MYH11: variants seen among roughly 807,000 people sequenced by gnomAD.
MYH11 encodes myosin-11.
In MYH11, 80 loss-of-function variants were observed where a neutral mutation model predicts 246.6. The ratio of observed to expected loss-of-function variants is 0.32; its 90% CI spans 0.27 to 0.39. MYH11 has a LOEUF of 0.39. Among genes scored for constraint, MYH11 ranks in the 10% least tolerant of loss-of-function variants. The pLI, the probability that MYH11 is intolerant of heterozygous loss-of-function variation, is 1.00. For synonymous variants in MYH11, 1,071 were observed against 1,015.5 expected (o/e 1.05, Z -1.04); for missense variants, 2,158 against 2,546.8 (o/e 0.85, Z 3.29).
chr16:15,805,702 G>A (rs922845319), intron 3 of MYH11, among the ~76,000 whole-genome samples: 3 of 151,976 alleles, frequency 2.0e-5, no homozygotes, highest in African/African-American at 2.4e-5. Context: ...GCTTGAGCCC[G>A]GGAGTCCGAA....
At chr16:15,735,605 A>C in intron 25 of MYH11, 27 bp from the exon 26 acceptor site, 1 of 1,613,024 alleles carries the variant, frequency 6.2e-7, no homozygotes, top group Non-Finnish European at 8.5e-7. Flanking sequence ...CAGCAGAATG[A>C]ACCCCCAGGT....
In MYH11 at chr16:15,737,497, T is replaced by C. The variant is rs2041154290; in HGVS notation, c.3245A>G (p.Lys1082Arg). 8 of 1,613,892 alleles carry C rather than the reference T, an allele frequency of 5.0e-6. No homozygotes were observed. Among genetic ancestry groups the C allele is most frequent in the Middle Eastern group, 3.3e-4 (2 of 6,058 alleles). Residue 1082 changes from lysine (K) to arginine (R), a missense_variant, in exon 25 of 41, where the codon AAG becomes AGG. By Grantham distance (26) the Lys-to-Arg change is conservative. Transcript: ENST00000300036. ...CTCCTCCTTCTTGGCCAGCTGCATC[T>C]TGAGCTCTGCGATCTGCGCCTGGAG... ...ADLQAQIAEL[K>R]MQLAKKEEEL... is the part of the protein sequence containing the mutation.
rs2041827034 is a variant in MYH11, at chr16:15,759,872, G to A, written c.1249-144C>T. The A allele has an allele frequency of 7.7e-6, 8 of 1,040,882 alleles. No homozygotes were observed. In the South Asian group the frequency reaches 1.2e-4, roughly 16 times the overall value. 64.5% of individuals were successfully genotyped at this position (1,040,882 alleles called of 1,614,324 possible). A position where few individuals can be genotyped will look rare whatever the true frequency, so the allele number is the denominator to read the frequency against. On this transcript the variant is annotated intron_variant, in intron 11 of 40. Coordinates refer to ENST00000300036, the MANE Select transcript of MYH11 (RefSeq NM_002474.3). Reference sequence around the variant, plus strand: ...AGCACTTTGGGAGGCCGAGGCAGGTGGGTCACTTGAGGTCGGGAGTTCAAG... The same window carrying A: ...AGCACTTTGGGAGGCCGAGGCAGGTAGGTCACTTGAGGTCGGGAGTTCAAG...
At chr16:15,798,608 T>TTAAAAAAAA in intron 4 of MYH11, 52 bp downstream of exon 4, 1 of 1,036,158 alleles carries the variant, frequency 9.7e-7, no homozygotes, top group Admixed American at 3.2e-5. Context: ...GACTACAGAT[T>TTAAAAAAAA]AAAAAAAAAA....
chr16:15,809,396 A>T (rs1159015083), intron 3 of MYH11, among the ~76,000 whole-genome samples: 1 of 151,658 alleles, frequency 6.6e-6, no homozygotes, highest in Non-Finnish European at 1.5e-5. Flanking sequence ...GCCAGGCGTG[A>T]TGATCTGTGC....
chr16:15,778,641 C>T (rs1039350363), intron 7 of MYH11, 139 bp downstream of exon 7: 8 of 877,640 alleles, frequency 9.1e-6, no homozygotes, highest in Non-Finnish European at 1.3e-5. Context: ...ACAATGCCTG[C>T]TGTTAAGGGG....
chr16:15,817,897 C>T (rs1274265862), intron 3 of MYH11, among the ~76,000 whole-genome samples: 4 of 152,202 alleles, frequency 2.6e-5, no homozygotes. Flanking sequence ...AGCCCCACCT[C>T]TCTCAAATAA....
Position 15,737,595 on chromosome 16 carries a change from G to A in MYH11, c.3147C>T (p.Ser1049=), listed in dbSNP as rs1490973342. The change falls in exon 25 of 41, where the codon AGC becomes AGT. Residue 1049 remains serine (S), a synonymous_variant. Transcript: ENST00000300036. ...GTTTCAGCTTCTCCAGCTCCTGTCG[G>A]CTCTTCTCTTCCTTCTTTAGCCGCA... ...LEVRLKKEEK[S]RQELEKLKRK... is the part of the protein sequence containing the mutation. The A allele has an allele frequency of 1.9e-6, 3 of 1,613,406 alleles. No individual in the cohort carries two copies. The South Asian group carries it at 3.3e-5, about 18-fold the overall frequency.
At chr16:15,733,545 TTG>T (rs1307404662) in intron 26 of MYH11, among the ~76,000 whole-genome samples, 5 of 150,672 alleles carry the variant, frequency 3.3e-5, no homozygotes, top group Non-Finnish European at 5.9e-5. Context: ...GTTTTTTGTT[TTG>T]TTTGTTTGTT....
Position 15,763,815 on chromosome 16 carries a change from C to T in MYH11, c.1110G>A (p.Ala370=), listed in dbSNP as rs746485704. 16 of 1,408,284 alleles carry T rather than the reference C, an allele frequency of 1.1e-5. No individual in the cohort carries two copies. In the East Asian group the frequency reaches 1.5e-4, roughly 13 times the overall value. 87.2% of individuals were successfully genotyped at this position (1,408,284 alleles called of 1,614,324 possible). A position where few individuals can be genotyped will look rare whatever the true frequency, so the allele number is the denominator to read the frequency against. ...AAGTACCTGTGTTATCTGGCATGGA[C>T]GCCTGGTCTGTGTTTCTTTCCTTCT... ...VFKKERNTDQ[A]SMPDNTAAQK... is the part of the protein sequence containing the mutation. Residue 370 remains alanine, a synonymous_variant, in exon 10 of 41, where the codon GCG becomes GCA. Coordinates refer to ENST00000300036, the MANE Select transcript of MYH11 (RefSeq NM_002474.3).
intron 11 of MYH11, 23 bp from the exon 12 acceptor site, chr16:15,759,751 C>A (rs768655716): frequency 4.3e-6 from 7 of 1,613,388 alleles, no homozygotes; most frequent in Non-Finnish European, 5.9e-6. Flanking sequence ...ACCAGGGGAA[C>A]CCGGTTATTC....
intron 37 of MYH11, chr16:15,717,702 A>AG (rs1260883343): frequency 2.7e-6 from 1 of 369,512 alleles, no homozygotes; most frequent in Non-Finnish European, 5.0e-6. Context: ...AGGTTGAAGC[A>AG]GGAGAATCCC....
At chr16:15,722,841 T>TC (rs2040556686) in intron 31 of MYH11, among the ~76,000 whole-genome samples, 1 of 152,154 alleles carries the variant, frequency 6.6e-6, no homozygotes, top group South Asian at 2.1e-4. Context: ...CACCCTGGGT[T>TC]CAAGCGATTC....
intron 4 of MYH11, among the ~76,000 whole-genome samples, chr16:15,793,363 A>G (rs1215748990): frequency 6.6e-6 from 1 of 151,454 alleles, no homozygotes; most frequent in Non-Finnish European, 1.5e-5. Flanking sequence ...GTGCCATCAT[A>G]GCTCACTTAG....
intron 27 of MYH11, among the ~76,000 whole-genome samples, chr16:15,728,368 AAAAAC>A: frequency 6.9e-6 from 1 of 144,696 alleles, no homozygotes; most frequent in African/African-American, 2.9e-5. Flanking sequence ...ACTTAAAAAC[AAAAAC>A]AAAAAACCAA....
intron 1 of MYH11, among the ~76,000 whole-genome samples, 185 bp from the exon 2 acceptor site, chr16:15,838,454 G>C (rs959045486): frequency 6.6e-6 from 1 of 152,154 alleles, no homozygotes; most frequent in Non-Finnish European, 1.5e-5. Flanking sequence ...AAAGGGATGT[G>C]TGTCATCGCC....
chr16:15,715,121 CT>C (rs761915555), intron 39 of MYH11, 40 bp from the exon 40 acceptor site: 5 of 1,592,504 alleles, frequency 3.1e-6, no homozygotes, highest in Admixed American at 1.7e-5. Flanking sequence ...GGGAGGCCGG[CT>C]GGGGGCTGGG....
chr16:15,786,476 C>T (rs1319750532), intron 5 of MYH11, 154 bp downstream of exon 5: 9 of 824,928 alleles, frequency 1.1e-5, no homozygotes, highest in African/African-American at 3.3e-5. Context: ...CAGGCCTGCT[C>T]GCCAAAAAGA....
chr16:15,798,550 T>A, intron 4 of MYH11, 110 bp downstream of exon 4: 2 of 1,126,036 alleles, frequency 1.8e-6, no homozygotes. Flanking sequence ...CATGAACAAA[T>A]CAAAGATCTC....
Sources: allele counts gnomAD v4.1 joint callset (sites outside exome capture counted in the v4.1 genomes callset), GRCh38; gene constraint gnomAD v4.1.1; transcripts MANE v1.5; gene names NCBI Gene and HGNC (gene_info 2026-07-23, HGNC 2026-07-21).